The following PHF21B variants were observed in gnomAD, a reference collection of about 807,000 sequenced individuals.
PHF21B encodes PHD finger protein 21B, also known as PHD finger protein 4.
A neutral mutation model predicts 62.2 loss-of-function variants in PHF21B; 22 were observed. That is an observed-to-expected ratio of 0.35 (90% CI 0.25 to 0.51). PHF21B has a LOEUF of 0.51. Ranked by LOEUF, PHF21B falls within the 20% of genes least tolerant of loss-of-function variation. The pLI is 0.97. For synonymous variants in PHF21B, 341 were observed against 314.7 expected (o/e 1.08, Z -0.88); for missense variants, 701 against 707.9 (o/e 0.99, Z 0.11).
chr22:44,926,853 AC>A (rs1320633213), intron 2 of PHF21B, among the ~76,000 whole-genome samples: 1 of 151,772 alleles, frequency 6.6e-6, no homozygotes, highest in Non-Finnish European at 1.5e-5. Flanking sequence ...GCCGGGAGTG[AC>A]CGTGTATCTG....
At chr22:44,959,911 A>G (rs2072382752) in intron 2 of PHF21B, among the ~76,000 whole-genome samples, 1 of 152,230 alleles carries the variant, frequency 6.6e-6, no homozygotes, top group Non-Finnish European at 1.5e-5. Flanking sequence ...GTGAGGCAGC[A>G]AAAGTAAGCC....
At chr22:45,007,811 T>C (rs1302035256) in intron 2 of PHF21B, among the ~76,000 whole-genome samples, 3 of 149,796 alleles carry the variant, frequency 2.0e-5, no homozygotes, top group Admixed American at 6.6e-5. Flanking sequence ...CCGGCCGGGC[T>C]CTGGCGGCGG....
intron 5 of PHF21B, among the ~76,000 whole-genome samples, chr22:44,901,061 A>G (rs538695493): frequency 6.6e-6 from 1 of 152,384 alleles, no homozygotes; most frequent in South Asian, 2.1e-4. Context: ...GCACTCACAT[A>G]GGTGGAAGAT....
intron 8 of PHF21B, among the ~76,000 whole-genome samples, chr22:44,890,006 C>T (rs780209109): frequency 1.4e-5 from 2 of 138,724 alleles, no homozygotes; most frequent in Non-Finnish European, 3.1e-5. Flanking sequence ...ATGGGAATAT[C>T]ACAAGGCCCC....
At chr22:44,937,901 C>T (rs1191340793) in intron 2 of PHF21B, among the ~76,000 whole-genome samples, 1 of 152,268 alleles carries the variant, frequency 6.6e-6, no homozygotes, top group Non-Finnish European at 1.5e-5. Context: ...GAAATCTCAA[C>T]AGCGGGTGCT....
At chr22:44,890,438 A>C (rs12157651) in intron 8 of PHF21B, among the ~76,000 whole-genome samples, 17,283 of 152,222 alleles carry the variant, frequency 0.11, 2,215 homozygotes, top group African/African-American at 0.32. Flanking sequence ...ACAGTTCCGG[A>C]GTCTGCACAG....
chr22:44,985,839 G>A (rs1035831087), intron 2 of PHF21B, among the ~76,000 whole-genome samples: 11 of 150,058 alleles, frequency 7.3e-5, no homozygotes, highest in Middle Eastern at 3.5e-3. Flanking sequence ...GGGCACCACC[G>A]CCACTACCAT....
intron 2 of PHF21B, among the ~76,000 whole-genome samples, chr22:44,953,663 C>T (rs111562758): frequency 2.6e-5 from 4 of 152,258 alleles, no homozygotes; most frequent in African/African-American, 9.6e-5. Context: ...CTTCCTGAGA[C>T]CTGCAGCTTC....
At chr22:44,891,512 G>T in intron 7 of PHF21B, 152 bp from the exon 8 acceptor site, 1 of 800,814 alleles carries the variant, frequency 1.2e-6, no homozygotes, top group South Asian at 1.6e-5. Context: ...GCAGAAATAG[G>T]AACAAATACA....
At chr22:44,963,364 G>A (rs1262674833) in intron 2 of PHF21B, among the ~76,000 whole-genome samples, 1 of 152,248 alleles carries the variant, frequency 6.6e-6, no homozygotes, top group South Asian at 2.1e-4. Context: ...TGTGTTTTGA[G>A]GGTACTGAGG....
chr22:44,916,445 G>A lies in PHF21B; in HGVS notation c.399C>T (p.Leu133=), dbSNP rs746015187. The change falls in exon 4 of 13, where the codon CTC becomes CTT. Residue 133 remains leucine, a synonymous_variant. Coordinates refer to ENST00000313237, the MANE Select transcript of PHF21B (RefSeq NM_138415.5). ...GAGAGGCGAGGGCGGCGGGCTCGGC[G>A]AGGGCCTGGGGCTGGCTGCCGGGCG... ...VPAPGSQPQA[L]AEPAALASPL... 11 of 1,599,590 alleles carry A rather than the reference G, an allele frequency of 6.9e-6. No homozygotes were observed. The African/African-American group carries it at 8.0e-5, about 12-fold the overall frequency.
At chr22:44,897,306 C>T (rs570758864) in intron 5 of PHF21B, among the ~76,000 whole-genome samples, 85 of 152,174 alleles carry the variant, frequency 5.6e-4, no homozygotes, top group African/African-American at 1.8e-3. Flanking sequence ...CCCTACCCTG[C>T]GGTGTAGCCA....
intron 2 of PHF21B, among the ~76,000 whole-genome samples, chr22:44,953,880 C>G (rs1569251348): frequency 1.3e-5 from 2 of 152,358 alleles, no homozygotes; most frequent in African/African-American, 4.8e-5. Context: ...ACAGCTGTGC[C>G]AACTGAGGCA....
intron 2 of PHF21B, among the ~76,000 whole-genome samples, chr22:44,931,769 T>C (rs1601612769): frequency 6.6e-6 from 1 of 151,938 alleles, no homozygotes; most frequent in Non-Finnish European, 1.5e-5. Flanking sequence ...CCGTGGAGGG[T>C]GTCCGTGAGA....
At position 44,953,300 on chromosome 22, in the gene PHF21B, G is replaced by A. The variant is rs551578026; in HGVS notation, c.121-32810C>T. On this transcript the variant is annotated intron_variant, in intron 2 of 12. Coordinates refer to ENST00000313237, the MANE Select transcript of PHF21B (RefSeq NM_138415.5). ...TAAGCAGAAACTCAACCCATTTGAC[G>A]CATCACACTGGAAATTAGAACTCAC... Among the ~76,000 whole-genome samples, 15 of 152,216 alleles carry A rather than the reference G, an allele frequency of 9.9e-5. No homozygotes were observed. The South Asian group carries it at 1.0e-3, about 11-fold the overall frequency.
chr22:44,931,493 G>T (rs966066195), intron 2 of PHF21B, among the ~76,000 whole-genome samples: 1 of 152,178 alleles, frequency 6.6e-6, no homozygotes, highest in Non-Finnish European at 1.5e-5. Flanking sequence ...AGTGGCTACC[G>T]TATGCTGACA....
At chr22:44,987,129 T>C (rs866020480) in intron 2 of PHF21B, among the ~76,000 whole-genome samples, 9 of 152,212 alleles carry the variant, frequency 5.9e-5, no homozygotes, top group South Asian at 2.1e-4. Flanking sequence ...CAAACAACTT[T>C]GGTCACGGTG....
intron 2 of PHF21B, among the ~76,000 whole-genome samples, chr22:44,950,833 T>C (rs1424535035): frequency 1.3e-5 from 2 of 152,216 alleles, no homozygotes; most frequent in Non-Finnish European, 2.9e-5. Context: ...TTCCCCCTTT[T>C]CAAAGAAGCT....
chr22:44,977,912 A>C (rs2072768385), intron 2 of PHF21B, among the ~76,000 whole-genome samples: 1 of 152,086 alleles, frequency 6.6e-6, no homozygotes, highest in African/African-American at 2.4e-5. Flanking sequence ...TAATTAAATG[A>C]AATCATATGA....
Sources: gnomAD v4.1 joint callset for allele counts (sites outside exome capture counted in the v4.1 genomes callset) on GRCh38, gnomAD v4.1.1 for gene constraint, MANE v1.5 for transcripts, NCBI Gene and HGNC (gene_info 2026-07-23, HGNC 2026-07-21) for gene names.